Variants in MSANTD7 observed in about 807,000 individuals in gnomAD.
MSANTD7 encodes the protein Myb/SANT DNA binding domain containing 7.
chr10:14,845,635 C>T, the MSANTD7 span: 1 of 744,552 alleles, frequency 1.3e-6, no homozygotes, highest in Non-Finnish European at 1.6e-6. Context: ...ACTGTTTTGC[C>T]CAGGCTGGGG....
At chr10:14,838,912 G>C in the MSANTD7 span, among the ~76,000 whole-genome samples, 2 of 152,300 alleles carry the variant, frequency 1.3e-5, no homozygotes, top group African/African-American at 4.8e-5. Context: ...GATTCCCGCG[G>C]GTGGGAGGTC....
At chr10:14,841,161 C>T in the MSANTD7 span, 2 of 152,050 alleles carry the variant, frequency 1.3e-5, no homozygotes, top group South Asian at 4.1e-4. Flanking sequence ...AATCTTTTTC[C>T]TCAGGATACT....
chr10:14,846,263 G>T, the MSANTD7 span: 1 of 985,346 alleles, frequency 1.0e-6, no homozygotes, highest in Non-Finnish European at 1.2e-6. Flanking sequence ...TGGAAACACA[G>T]AAGTACTTGA....
At chr10:14,839,911 C>T in the MSANTD7 span, 7 of 1,611,994 alleles carry the variant, frequency 4.3e-6, no homozygotes, top group Non-Finnish European at 4.2e-6. Flanking sequence ...CTAGGATGGC[C>T]GGGCTGGTGT....
At chr10:14,842,341 T>G in the MSANTD7 span, 2 of 1,536,082 alleles carry the variant, frequency 1.3e-6, no homozygotes, top group Non-Finnish European at 1.7e-6. This position sits in a 1 kb window ranked among gnomAD's most constrained non-coding sequence, Gnocchi z 5.2. Flanking sequence ...AGACACGAAC[T>G]CTTCTCTCCA....
the MSANTD7 span, among the ~76,000 whole-genome samples, chr10:14,839,507 G>C: frequency 0.062 from 9,367 of 151,694 alleles, 439 homozygotes; most frequent in South Asian, 0.21. Flanking sequence ...GGAAGTTGCA[G>C]TGAGCCGAGA....
the MSANTD7 span, chr10:14,842,143 C>T: frequency 3.2e-4 from 491 of 1,533,438 alleles, 2 homozygotes; most frequent in Non-Finnish European, 3.2e-4. The surrounding 1 kb of genome is among the most constrained non-coding windows in gnomAD (Gnocchi z 5.2). Flanking sequence ...GCCAGAAATG[C>T]GGTCCTTGGA....
chr10:14,838,753 G>A, the MSANTD7 span, among the ~76,000 whole-genome samples: 5,752 of 152,214 alleles, frequency 0.038, 377 homozygotes, highest in African/African-American at 0.13. Flanking sequence ...GTAGCTGCAG[G>A]GTGCCCGGGG....
At chr10:14,843,684 A>G in the MSANTD7 span, 1 of 1,544,466 alleles carries the variant, frequency 6.5e-7, no homozygotes, top group African/African-American at 1.4e-5. Flanking sequence ...GATTGGCACG[A>G]GAACTCTCAA....
the MSANTD7 span, among the ~76,000 whole-genome samples, chr10:14,843,062 T>G: frequency 6.6e-6 from 1 of 152,214 alleles, no homozygotes; most frequent in African/African-American, 2.4e-5. Flanking sequence ...CCTTTAAACC[T>G]AGAAGTGCTC....
At chr10:14,839,502 T>G in the MSANTD7 span, among the ~76,000 whole-genome samples, 1 of 151,844 alleles carries the variant, frequency 6.6e-6, no homozygotes, top group Non-Finnish European at 1.5e-5. Context: ...GAGGCGGAAG[T>G]TGCAGTGAGC....
chr10:14,845,945 A>T, the MSANTD7 span: 8 of 843,244 alleles, frequency 9.5e-6, no homozygotes, highest in East Asian at 7.3e-4. Flanking sequence ...GCTCTAAAAA[A>T]ATTTGAAATA....
the MSANTD7 span, chr10:14,843,330 C>T: frequency 1.3e-6 from 2 of 1,548,922 alleles, no homozygotes; most frequent in South Asian, 2.4e-5. Flanking sequence ...ATTCCCTTAG[C>T]AGGAATGTTC....
At chr10:14,846,552 A>G in the MSANTD7 span, 1,280 of 985,098 alleles carry the variant, frequency 1.3e-3, 13 homozygotes, top group African/African-American at 0.02. Context: ...GAATCTGCCT[A>G]TGTGGTAGAC....
chr10:14,845,408 T>A, the MSANTD7 span: 1 of 985,222 alleles, frequency 1.0e-6, no homozygotes, highest in Admixed American at 6.1e-5. Context: ...GGAGAAATGG[T>A]CAGAGCAGCA....
chr10:14,839,746 T>C, the MSANTD7 span, among the ~76,000 whole-genome samples: 1 of 152,236 alleles, frequency 6.6e-6, no homozygotes, highest in Admixed American at 6.5e-5. Flanking sequence ...ATAGGCTTTC[T>C]ATGAAAACGA....
At chr10:14,846,361 A>C in the MSANTD7 span, 1 of 985,424 alleles carries the variant, frequency 1.0e-6, no homozygotes, top group Non-Finnish European at 1.2e-6. Flanking sequence ...GGAGTGCTGA[A>C]GAAGAGCATT....
chr10:14,846,009 C>T, the MSANTD7 span: 22 of 933,964 alleles, frequency 2.4e-5, no homozygotes, highest in African/African-American at 3.7e-4. Flanking sequence ...TTTTCTGTCA[C>T]AGCAGCATAT....
the MSANTD7 span, chr10:14,843,552 G>A: frequency 1.3e-5 from 20 of 1,550,670 alleles, no homozygotes; most frequent in South Asian, 1.4e-4. Flanking sequence ...TCTCCTCTTC[G>A]AGAGCTGGTT....
Sources: allele counts gnomAD v4.1 joint callset (sites outside exome capture counted in the v4.1 genomes callset), GRCh38; gene constraint gnomAD v4.1.1; non-coding constraint Gnocchi (gnomAD v3.1); transcripts MANE v1.5; gene names NCBI Gene and HGNC (gene_info 2026-07-23, HGNC 2026-07-21).